ZNF704: variants seen among roughly 807,000 people sequenced by gnomAD.
ZNF704 encodes the protein glucocorticoid induced gene 1.
ZNF704 carries 10 observed loss-of-function variants against 44.7 expected under a neutral mutation model. The observed-to-expected ratio is 0.22, with a 90% confidence interval of 0.14 to 0.38. The LOEUF is 0.38. Ranked by LOEUF, ZNF704 falls within the 10% of genes least tolerant of loss-of-function variation. The pLI, the probability that ZNF704 is intolerant of heterozygous loss-of-function variation, is 1.00. For synonymous variants in ZNF704, 211 were observed against 207.6 expected, an observed-to-expected ratio of 1.02 and a Z score of -0.14; for missense variants, 390 against 545.5, an observed-to-expected ratio of 0.71 and a Z score of 2.84.
At chr8:80,757,123 A>C (rs962141527) in intron 2 of ZNF704, among the ~76,000 whole-genome samples, 2 of 152,198 alleles carry the variant, frequency 1.3e-5, no homozygotes, top group Admixed American at 6.5e-5. Context: ...GTTAACCATA[A>C]AACAGCCTGA....
At chr8:80,720,639 T>C (rs1268536117) in intron 2 of ZNF704, among the ~76,000 whole-genome samples, 1 of 152,220 alleles carries the variant, frequency 6.6e-6, no homozygotes, top group Non-Finnish European at 1.5e-5. Flanking sequence ...GTCAAAACCA[T>C]GGATGGGTGG....
At chr8:80,868,581 C>G (rs1304759527) in intron 1 of ZNF704, among the ~76,000 whole-genome samples, 1 of 152,160 alleles carries the variant, frequency 6.6e-6, no homozygotes, top group Non-Finnish European at 1.5e-5. Context: ...CATCAGATGG[C>G]GAATGGGAGC....
chr8:80,878,319 A>C (rs1320538309), upstream of ZNF704, among the ~76,000 whole-genome samples: 1 of 151,918 alleles, frequency 6.6e-6, no homozygotes, highest in Non-Finnish European at 1.5e-5. Flanking sequence ...GAAGAAAATC[A>C]GGCTCAATTT....
chr8:80,678,329 ACCTCTTCCTTTTGCATT>A (rs60021781), intron 4 of ZNF704, among the ~76,000 whole-genome samples: 25,607 of 152,020 alleles, frequency 0.17, 4,310 homozygotes, highest in African/African-American at 0.44. Context: ...TTTCTCCTCG[ACCTCTTCCTTTTGCATT>A]CCTCTTCCTT....
chr8:80,793,203 AGAT>A (rs1479133605), intron 2 of ZNF704, among the ~76,000 whole-genome samples: 2 of 152,180 alleles, frequency 1.3e-5, no homozygotes, highest in Non-Finnish European at 2.9e-5. Context: ...TGTGGATCAA[AGAT>A]GATGTCCAGC....
At chr8:80,712,412 T>C (rs1377806646) in intron 2 of ZNF704, among the ~76,000 whole-genome samples, 2 of 152,172 alleles carry the variant, frequency 1.3e-5, no homozygotes. Flanking sequence ...TATAGACTAT[T>C]TTTTTTAAAA....
intron 7 of ZNF704, among the ~76,000 whole-genome samples, chr8:80,653,403 T>C (rs919130130): frequency 4.6e-5 from 7 of 152,208 alleles, no homozygotes; most frequent in African/African-American, 1.7e-4. Context: ...ATGACATGAT[T>C]GTATATCTAG....
chr8:80,777,112 T>A (rs1036188986), intron 2 of ZNF704: 8 of 152,192 alleles, frequency 5.3e-5, no homozygotes, highest in African/African-American at 1.9e-4. Flanking sequence ...AGGGCAAAGT[T>A]ATTTTTTTTA....
chr8:80,806,989 T>C (rs1382530407), intron 2 of ZNF704, among the ~76,000 whole-genome samples: 2 of 152,220 alleles, frequency 1.3e-5, no homozygotes, highest in African/African-American at 4.8e-5. Context: ...TCTACTGTTT[T>C]GCTACATATG....
rs1455540859 is a variant in ZNF704, at chr8:80,874,073, G to A, written c.-22+498C>T. ...TGAGCGCGGGGTTGCGGGCCGCGGC[G>A]CGGGGCCGGAGAGTTTGTCACCTCC... On this transcript the variant is annotated intron_variant, in intron 1 of 8. Coordinates refer to ENST00000327835, the MANE Select transcript of ZNF704 (RefSeq NM_001033723.3). This position sits in a 1 kb window ranked among gnomAD's most constrained non-coding sequence, Gnocchi z 4.4. Among the ~76,000 whole-genome samples, 1 of 146,874 alleles carries A rather than the reference G, an allele frequency of 6.8e-6. No homozygotes were observed. The highest frequency in any genetic ancestry group is 2.4e-5 in the African/African-American group (1 of 40,964).
At chr8:80,732,843 C>G (rs963338713) in intron 2 of ZNF704, among the ~76,000 whole-genome samples, 39 of 151,586 alleles carry the variant, frequency 2.6e-4, no homozygotes, top group African/African-American at 9.0e-4. Context: ...GTATGCCCAG[C>G]TACTCGAGAG....
At chr8:80,831,316 C>A (rs1314007986) in intron 1 of ZNF704, among the ~76,000 whole-genome samples, 1 of 152,126 alleles carries the variant, frequency 6.6e-6, no homozygotes, top group Non-Finnish European at 1.5e-5. Context: ...GATCCATGCA[C>A]CTGGAGAGCA....
chr8:80,647,657 C>A (rs1031707991), intron 7 of ZNF704, among the ~76,000 whole-genome samples: 3 of 152,024 alleles, frequency 2.0e-5, no homozygotes, highest in Non-Finnish European at 2.9e-5. Flanking sequence ...AGAGGCACAG[C>A]CTAGGACTTG....
chr8:80,712,870 G>GTT (rs113759041), intron 2 of ZNF704, among the ~76,000 whole-genome samples: 7 of 151,628 alleles, frequency 4.6e-5, no homozygotes, highest in African/African-American at 1.5e-4. Context: ...TGAAGTAGGG[G>GTT]TTTTTTTGTT....
intron 7 of ZNF704, among the ~76,000 whole-genome samples, chr8:80,652,828 A>G (rs559247015): frequency 2.3e-4 from 35 of 152,334 alleles, no homozygotes; most frequent in Non-Finnish European, 4.3e-4. Context: ...TGAGGCCAAC[A>G]TCATCCTGAT....
chr8:80,683,679 G>T (rs1156276415), intron 4 of ZNF704, among the ~76,000 whole-genome samples: 1 of 152,184 alleles, frequency 6.6e-6, no homozygotes, highest in African/African-American at 2.4e-5. Context: ...CCAAAGATTT[G>T]GGGGATGATG....
intron 2 of ZNF704, among the ~76,000 whole-genome samples, chr8:80,756,897 C>T (rs1807045175): frequency 6.6e-6 from 1 of 152,148 alleles, no homozygotes; most frequent in African/African-American, 2.4e-5. Context: ...AATTAGGCAG[C>T]AAGAAGAGTG....
chr8:80,655,791 T>C (rs1453025100), intron 7 of ZNF704, among the ~76,000 whole-genome samples: 1 of 152,186 alleles, frequency 6.6e-6, no homozygotes, highest in Non-Finnish European at 1.5e-5. Flanking sequence ...TTTAACCTCA[T>C]ATAATTCTGA....
At chr8:80,642,340 C>A (rs1316201373) in intron 8 of ZNF704, among the ~76,000 whole-genome samples, 2 of 152,148 alleles carry the variant, frequency 1.3e-5, no homozygotes, top group Non-Finnish European at 2.9e-5. Flanking sequence ...TTTAGCATAT[C>A]TGAATTCTAG....
Sources: allele counts gnomAD v4.1 joint callset (sites outside exome capture counted in the v4.1 genomes callset), GRCh38; gene constraint gnomAD v4.1.1; non-coding constraint Gnocchi (gnomAD v3.1); transcripts MANE v1.5; gene names NCBI Gene and HGNC (gene_info 2026-07-23, HGNC 2026-07-21).